VTCN1: variants seen among roughly 807,000 people sequenced by gnomAD.
VTCN1 encodes the protein V-set domain-containing T-cell activation inhibitor 1.
Under a neutral mutation model 26.5 loss-of-function variants are expected in VTCN1, and 26 were observed. The ratio of observed to expected loss-of-function variants is 0.98; its 90% CI spans 0.72 to 1.36. VTCN1 has a LOEUF of 1.36. Among genes scored for constraint, VTCN1 ranks in the 40% most tolerant of loss-of-function variants. The pLI is 0.00. For missense variants in VTCN1, 298 were observed against 337.7 expected (o/e 0.88, Z 0.92); for synonymous variants, 116 against 130.7 (o/e 0.89, Z 0.77).
intron 1 of VTCN1, among the ~76,000 whole-genome samples, chr1:117,200,020 C>T (rs1205395236): frequency 1.3e-5 from 2 of 152,166 alleles, no homozygotes; most frequent in Admixed American, 6.5e-5. Flanking sequence ...CATAAAAGCA[C>T]ACACATTGTA....
chr1:117,189,458 C>T (rs1009972753), intron 1 of VTCN1, among the ~76,000 whole-genome samples: 2 of 152,146 alleles, frequency 1.3e-5, no homozygotes, highest in African/African-American at 4.8e-5. Flanking sequence ...TTTTCCCTGT[C>T]GTTCCACGAA....
chr1:117,177,353 T>C (rs184806490), intron 1 of VTCN1, among the ~76,000 whole-genome samples: 3 of 152,246 alleles, frequency 2.0e-5, no homozygotes, highest in Admixed American at 6.5e-5. Context: ...GTAGAGTATG[T>C]TTCCTGGCCT....
chr1:117,208,701 G>A (rs1254551408), intron 1 of VTCN1, among the ~76,000 whole-genome samples: 1 of 152,146 alleles, frequency 6.6e-6, no homozygotes, highest in East Asian at 1.9e-4. Flanking sequence ...GGGGAGGAGG[G>A]TTCTAGTCAC....
chr1:117,151,200 C>CTT (rs796226289), intron 4 of VTCN1, among the ~76,000 whole-genome samples: 57 of 135,832 alleles, frequency 4.2e-4, no homozygotes, highest in South Asian at 2.6e-3. Context: ...TGTTACAGTT[C>CTT]TTTTTTTTTT....
chr1:117,181,435 C>A (rs935402604), intron 1 of VTCN1, among the ~76,000 whole-genome samples: 1 of 152,202 alleles, frequency 6.6e-6, no homozygotes, highest in African/African-American at 2.4e-5. Context: ...ATTTTTCTAA[C>A]CCTTCTCCCT....
At position 117,155,953 on chromosome 1, in the gene VTCN1, C is replaced by T. The variant is rs1353501499; in HGVS notation, c.445+621G>A. ...CAGACTTTTATTATCTCTGTCCTGA[C>T]CCCTAACTCTGTGAGATCTATATTA... On this transcript the variant is annotated intron_variant, in intron 3 of 5. Transcript: ENST00000369458. This position sits in a 1 kb window ranked among gnomAD's most constrained non-coding sequence, Gnocchi z 4.8. 6.6e-6 allele frequency among the ~76,000 whole-genome samples: 1 copy of T among 152,158 alleles called. No individual in the cohort carries two copies. Among genetic ancestry groups the T allele is most frequent in the African/African-American group, 2.4e-5 (1 of 41,430 alleles).
intron 2 of VTCN1, among the ~76,000 whole-genome samples, chr1:117,158,413 G>T (rs971103235): frequency 3.9e-5 from 6 of 152,306 alleles, no homozygotes; most frequent in African/African-American, 1.4e-4. Context: ...CATAGAAGCT[G>T]CCGAGACTTG....
rs145887761 is a variant in VTCN1, at chr1:117,157,092, G to GATATATATATATAT, written c.98-185_98-172dup. 2.6e-4 allele frequency: 147 copies of GATATATATATATAT among 561,522 alleles called. 1 individual carries two copies. In the African/African-American group the frequency reaches 2.7e-3, roughly 10 times the overall value. 34.8% of individuals were successfully genotyped at this position (561,522 alleles called of 1,614,324 possible). A position where few individuals can be genotyped will look rare whatever the true frequency, so the allele number is the denominator to read the frequency against. ...GAAAGAGCAGGAAGACAATCATTTT[G>GATATATATATATAT]ATATATATATATATATATATATAGC... On this transcript the variant is annotated intron_variant, in intron 2 of 5. Transcript: ENST00000369458.
intron 1 of VTCN1, among the ~76,000 whole-genome samples, chr1:117,206,855 C>G (rs1003483679): frequency 6.6e-6 from 1 of 152,184 alleles, no homozygotes. Flanking sequence ...AGCAGGAACA[C>G]AGGTGCCACC....
At position 117,155,586 on chromosome 1, in the gene VTCN1, C is replaced by G. The variant is rs1303787831; in HGVS notation, c.445+988G>C. On this transcript the variant is annotated intron_variant, in intron 3 of 5. Coordinates refer to ENST00000369458, the MANE Select transcript of VTCN1 (RefSeq NM_024626.4). This position sits in a 1 kb window ranked among gnomAD's most constrained non-coding sequence, Gnocchi z 4.8. ...AAGCTCTTTCAGTTGGCTCCAGTAT[C>G]CCTTTGACATGACCCCATTTTAAGA... Among the ~76,000 whole-genome samples, 1 of 152,124 alleles carries G rather than the reference C, an allele frequency of 6.6e-6. No homozygotes were observed. The highest frequency in any genetic ancestry group is 1.5e-5 in the Non-Finnish European group (1 of 68,028).
In VTCN1 at chr1:117,183,690, G is replaced by A. The variant is rs1266937664; in HGVS notation, c.33-13519C>T. Among the ~76,000 whole-genome samples the A allele has an allele frequency of 2.0e-5, 3 of 152,072 alleles. No homozygotes were observed. Among genetic ancestry groups the A allele is most frequent in the Non-Finnish European group, 4.4e-5 (3 of 68,018 alleles). ...TAGAAGTGTTTCTCTAAAAGAGAAA[G>A]GACATTGTAGGGAATGAAGAGTTAA... On this transcript the variant is annotated intron_variant, in intron 1 of 5. Coordinates refer to ENST00000369458, the MANE Select transcript of VTCN1 (RefSeq NM_024626.4). The surrounding 1 kb of genome is among the most constrained non-coding windows in gnomAD (Gnocchi z 4.1).
In VTCN1 at chr1:117,175,994, T is replaced by C. The variant is rs1000490552; in HGVS notation, c.33-5823A>G. On this transcript the variant is annotated intron_variant, in intron 1 of 5. Transcript: ENST00000369458. The surrounding 1 kb of genome is among the most constrained non-coding windows in gnomAD (Gnocchi z 4.2). ...CATGTTGGCCAGGCTGGTCTTGAAC[T>C]CCTGACCTCAGGTGATCCACCTGCC... Among the ~76,000 whole-genome samples the C allele has an allele frequency of 2.0e-5, 3 of 152,114 alleles. No individual in the cohort carries two copies. Among genetic ancestry groups the C allele is most frequent in the African/African-American group, 7.2e-5 (3 of 41,422 alleles).
At chr1:117,202,927 A>G (rs1158893760) in intron 1 of VTCN1, among the ~76,000 whole-genome samples, 1 of 152,190 alleles carries the variant, frequency 6.6e-6, no homozygotes, top group African/African-American at 2.4e-5. Context: ...GGGCTGAGAG[A>G]GAGTTTTCTT....
chr1:117,157,060 A>G (rs781435214), intron 2 of VTCN1, 139 bp from the exon 3 acceptor site: 2 of 1,436,110 alleles, frequency 1.4e-6, no homozygotes, highest in Admixed American at 1.7e-5. Context: ...ATAAGAAGAC[A>G]AGAAGAGAAA....
In VTCN1 at chr1:117,156,761, G is replaced by A. The variant is rs375877376; in HGVS notation, c.258C>T (p.Gly86=). ...CATCCTGCTCCGACAGCTCATCTTT[G>A]CCTTCTTTGAACTCATGGACCAAGC... ...VLGLVHEFKE[G]KDELSEQDEM... Residue 86 remains glycine (G), a synonymous_variant, in exon 3 of 6, where the codon GGC becomes GGT. Transcript: ENST00000369458. 1.9e-6 allele frequency: 3 copies of A among 1,613,958 alleles called. No individual in the cohort carries two copies. The highest frequency in any genetic ancestry group is 2.7e-5 in the African/African-American group (2 of 74,880).
chr1:117,181,022 C>T (rs916325820), intron 1 of VTCN1, among the ~76,000 whole-genome samples: 9 of 152,334 alleles, frequency 5.9e-5, no homozygotes, highest in Non-Finnish European at 1.2e-4. Flanking sequence ...TACCTGCCTC[C>T]AGATTCAACA....
chr1:117,172,077 G>A (rs1179950230), intron 1 of VTCN1, among the ~76,000 whole-genome samples: 1 of 152,152 alleles, frequency 6.6e-6, no homozygotes, highest in Non-Finnish European at 1.5e-5. Flanking sequence ...TCAGCCGCCC[G>A]CTCACACGGC....
At chr1:117,166,765 T>C (rs1232037570) in intron 2 of VTCN1, among the ~76,000 whole-genome samples, 1 of 151,646 alleles carries the variant, frequency 6.6e-6, no homozygotes, top group East Asian at 1.9e-4. Context: ...AAATATTTGG[T>C]TTATCAGTCT....
At chr1:117,193,348 G>A (rs745921193) in intron 1 of VTCN1, among the ~76,000 whole-genome samples, 9 of 152,142 alleles carry the variant, frequency 5.9e-5, no homozygotes, top group Non-Finnish European at 1.2e-4. Context: ...ACAATATGCT[G>A]TCTACAAGAA....
Sources: gnomAD v4.1 joint callset for allele counts (sites outside exome capture counted in the v4.1 genomes callset) on GRCh38, gnomAD v4.1.1 for gene constraint, Gnocchi (gnomAD v3.1) non-coding constraint, MANE v1.5 for transcripts, NCBI Gene and HGNC (gene_info 2026-07-23, HGNC 2026-07-21) for gene names.